The following CPEB2 variants were observed in gnomAD, a reference collection of about 807,000 sequenced individuals.
The protein encoded by CPEB2 is cytoplasmic polyadenylation element binding protein 2, also known as cytoplasmic polyadenylation element-binding protein 2.
In CPEB2, 56 loss-of-function variants were observed where a neutral mutation model predicts 93.6. The observed-to-expected ratio is 0.60, with a 90% CI of 0.48 to 0.75. The LOEUF (loss-of-function observed/expected upper bound fraction) is 0.75, where lower values mean the gene tolerates loss of function less well. Among genes scored for constraint, CPEB2 ranks in the 30% least tolerant of loss-of-function variants. The pLI, the probability that CPEB2 is intolerant of heterozygous loss-of-function variation, is 0.00. For missense variants in CPEB2, 1,579 were observed against 1,395.1 expected (o/e 1.13, Z -2.10); for synonymous variants, 764 against 586.3 (o/e 1.30, Z -4.38).
chr4:15,039,055 T>C (rs1726917512), intron 5 of CPEB2, among the ~76,000 whole-genome samples: 1 of 152,154 alleles, frequency 6.6e-6, no homozygotes, highest in Non-Finnish European at 1.5e-5. Context: ...AGAAATAATA[T>C]ATAGGTCAGG....
Position 15,003,635 on chromosome 4 carries a change from TG to T in CPEB2, c.963del (p.Leu322SerfsTer136). ...PGSMESPNHP[L>X]LNSPSNLLPG... ...TCCATGGAGTCCCCCAACCACCCTC[TG>T]CTCAACAGTCCCAGTAACCTCCTGC... On this transcript the variant is annotated frameshift_variant, in exon 1 of 12. Transcript: ENST00000538197. LOFTEE classifies it high-confidence loss of function. The T allele has an allele frequency of 6.7e-7, 1 of 1,481,652 alleles. No homozygotes were observed. The highest frequency in any genetic ancestry group is 8.9e-7 in the Non-Finnish European group (1 of 1,120,506). The allele number at this position is 1,481,652 out of a possible 1,614,324, so 91.8% of individuals were successfully genotyped here.
chr4:15,024,935 G>T (rs187616986), intron 4 of CPEB2, among the ~76,000 whole-genome samples: 1 of 151,672 alleles, frequency 6.6e-6, no homozygotes, highest in African/African-American at 2.4e-5. Flanking sequence ...CAGTAGAGAC[G>T]GGGTTTCACT....
chr4:15,027,389 C>T (rs1160553383), intron 4 of CPEB2, among the ~76,000 whole-genome samples: 2 of 147,474 alleles, frequency 1.4e-5, no homozygotes, highest in Admixed American at 1.3e-4. Context: ...CTCTTCGGAT[C>T]TGGTACTTTG....
rs1729737630 is a variant in CPEB2, at chr4:15,066,860, C to G, written c.*480C>G. On this transcript the variant is annotated 3_prime_UTR_variant, in exon 12 of 12. Transcript: ENST00000538197. ...TTGCTATTTTCAGTGTATACATAAA[C>G]TAAAAATTAGGGTTGATTTTTTTGC... is the stretch of plus-strand genomic sequence containing the variant. The G allele has an allele frequency of 6.5e-6, 1 of 153,828 alleles. No homozygotes were observed. Among genetic ancestry groups the G allele is most frequent in the South Asian group, 2.0e-4 (1 of 4,924 alleles). 9.5% of individuals were successfully genotyped at this position (153,828 alleles called of 1,614,324 possible). A position where few individuals can be genotyped will look rare whatever the true frequency, so the allele number is the denominator to read the frequency against.
At chr4:15,024,307 A>G (rs924559640) in intron 4 of CPEB2, among the ~76,000 whole-genome samples, 4 of 152,038 alleles carry the variant, frequency 2.6e-5, no homozygotes, top group Admixed American at 6.6e-5. Flanking sequence ...TTGGACCTGT[A>G]TTACCTTCCT....
At chr4:15,024,657 T>G (rs1725227304) in intron 4 of CPEB2, among the ~76,000 whole-genome samples, 1 of 152,180 alleles carries the variant, frequency 6.6e-6, no homozygotes, top group African/African-American at 2.4e-5. Flanking sequence ...TTTTTTAATT[T>G]ATTAAGCTGT....
chr4:15,036,651 G>A (rs1225159903), intron 5 of CPEB2, among the ~76,000 whole-genome samples: 2 of 152,068 alleles, frequency 1.3e-5, no homozygotes, highest in African/African-American at 4.8e-5. Context: ...AATAGCTTAC[G>A]TTTTTATTAG....
At chr4:15,010,639 T>C (rs1175653404) in intron 3 of CPEB2, 1 of 152,260 alleles carries the variant, frequency 6.6e-6, no homozygotes, top group Non-Finnish European at 1.5e-5. Flanking sequence ...ATTAAAATTA[T>C]AGAAGATTCT....
chr4:15,025,889 ATT>A, intron 4 of CPEB2, among the ~76,000 whole-genome samples: 1 of 152,236 alleles, frequency 6.6e-6, no homozygotes, highest in South Asian at 2.1e-4. Flanking sequence ...GTTCCCAGAA[ATT>A]TGATGACTTA....
At chr4:15,008,665 A>G (rs934263221) in intron 3 of CPEB2, among the ~76,000 whole-genome samples, 1 of 152,082 alleles carries the variant, frequency 6.6e-6, no homozygotes, top group African/African-American at 2.4e-5. Context: ...TTTTTTTGGA[A>G]AAAGGAATTA....
rs760749662 is a variant in CPEB2, at chr4:15,008,875, C to A, written c.2034+448C>A. On this transcript the variant is annotated intron_variant, in intron 3 of 11. Coordinates refer to ENST00000538197, the MANE Select transcript of CPEB2 (RefSeq NM_001177382.2). ...AGATATATTTCTAAAAAAGACTTCT[C>A]TTGGTTCAGTTTTTTCACCTTTATT... Among the ~76,000 whole-genome samples the A allele has an allele frequency of 5.3e-5, 8 of 152,120 alleles. 1 individual carries two copies. Among genetic ancestry groups the A allele is most frequent in the African/African-American group, 9.7e-5 (4 of 41,432 alleles).
intron 4 of CPEB2, among the ~76,000 whole-genome samples, chr4:15,020,509 G>A (rs1724693254): frequency 6.6e-6 from 1 of 152,058 alleles, no homozygotes; most frequent in Non-Finnish European, 1.5e-5. Context: ...CCTTGTTTAT[G>A]CCCAAAACAC....
intron 6 of CPEB2, among the ~76,000 whole-genome samples, chr4:15,045,064 A>C (rs1727528596): frequency 6.6e-6 from 1 of 152,182 alleles, no homozygotes; most frequent in Non-Finnish European, 1.5e-5. Flanking sequence ...TTACCTTAAT[A>C]TGGCCTTTGG....
chr4:15,057,389 A>G (rs530040927), intron 8 of CPEB2, among the ~76,000 whole-genome samples: 15 of 152,304 alleles, frequency 9.8e-5, no homozygotes, highest in Middle Eastern at 3.4e-3. Flanking sequence ...ATGGTTGACA[A>G]TAAGCTGAGT....
Position 15,002,760 on chromosome 4 carries a change from T to G in CPEB2, c.87T>G (p.Gly29=), listed in dbSNP as rs1722121777. ...CCCTGTTCTGCGGCGAGGCGTATGG[T>G]CCTTACGCCGTGGGGTCCGTCAACC... ...PGPLFCGEAY[G]PYAVGSVNPL... is the part of the protein sequence containing the mutation. Residue 29 remains glycine (G), a synonymous_variant, in exon 1 of 12, where the codon GGT becomes GGG. Transcript: ENST00000538197. 2 of 1,535,120 alleles carry G rather than the reference T, an allele frequency of 1.3e-6. No homozygotes were observed. The highest frequency in any genetic ancestry group is 2.0e-5 in the Admixed American group (1 of 50,962).
intron 8 of CPEB2, among the ~76,000 whole-genome samples, chr4:15,054,686 A>G (rs1331561226): frequency 1.3e-5 from 2 of 152,168 alleles, no homozygotes; most frequent in African/African-American, 2.4e-5. Context: ...CTAGGAAGAC[A>G]CCGTGGCTGA....
At position 15,057,656 on chromosome 4, in the gene CPEB2, T is replaced by C. The variant is rs1045507940; in HGVS notation, c.2462-765T>C. Among the ~76,000 whole-genome samples, 6 of 152,216 alleles carry C rather than the reference T, an allele frequency of 3.9e-5. No individual in the cohort carries two copies. In the South Asian group the frequency reaches 6.2e-4, roughly 16 times the overall value. On this transcript the variant is annotated intron_variant, in intron 8 of 11. Coordinates refer to ENST00000538197, the MANE Select transcript of CPEB2 (RefSeq NM_001177382.2). ...TAGTCTATTCTGTCTGCTGGATACA[T>C]GATTTTTTATTAAAGATTGACAATT...
At chr4:15,026,542 TATCTTTCACATA>T (rs969887022) in intron 4 of CPEB2, among the ~76,000 whole-genome samples, 9 of 152,272 alleles carry the variant, frequency 5.9e-5, no homozygotes, top group African/African-American at 1.9e-4. Flanking sequence ...TTTTAATATA[TATCTTTCACATA>T]ATCTTTCACA....
At chr4:15,016,016 A>G (rs929186807) in intron 3 of CPEB2, among the ~76,000 whole-genome samples, 8 of 152,036 alleles carry the variant, frequency 5.3e-5, no homozygotes, top group East Asian at 1.9e-4. Flanking sequence ...CTGTACACCT[A>G]TGAACAGTAT....
Sources: gnomAD v4.1 joint callset for allele counts (sites outside exome capture counted in the v4.1 genomes callset) on GRCh38, gnomAD v4.1.1 for gene constraint, MANE v1.5 for transcripts, NCBI Gene and HGNC (gene_info 2026-07-23, HGNC 2026-07-21) for gene names.